ALDH2: variants seen among roughly 807,000 people sequenced by gnomAD.
ALDH2 encodes the protein aldehyde dehydrogenase 2 family member, also known as aldehyde dehydrogenase, mitochondrial.
Under a neutral mutation model 59.6 loss-of-function variants are expected in ALDH2, and 44 were observed. That is an observed-to-expected ratio of 0.74 (90% CI 0.58 to 0.95). The LOEUF (loss-of-function observed/expected upper bound fraction) is 0.95. Ranked by LOEUF, ALDH2 falls within the 40% of genes least tolerant of loss-of-function variation. The pLI is 0.00. For synonymous variants in ALDH2, 291 were observed against 284.0 expected (o/e 1.02, Z -0.25); for missense variants, 570 against 696.3 (o/e 0.82, Z 2.04).
At position 111,811,517 on chromosome 12, in the gene ALDH2, A is replaced by G. The variant is rs919024541; in HGVS notation, c.*1942A>G. 6.8e-6 allele frequency: 1 copy of G among 147,126 alleles called. No homozygotes were observed. Among genetic ancestry groups the G allele is most frequent in the Non-Finnish European group, 1.5e-5 (1 of 67,128 alleles). 9.1% of individuals were successfully genotyped at this position (147,126 alleles called of 1,614,324 possible). On this transcript the variant is annotated 3_prime_UTR_variant, in exon 13 of 13. Transcript: ENST00000261733. ...GAGACTGAGTCTCGGTCTGTCGCCC[A>G]GGCTGGAGTGCAGTGACGTGATCTT...
At position 111,785,335 on chromosome 12, in the gene ALDH2, C is replaced by T. The variant is rs1366445809; in HGVS notation, c.429C>T (p.Leu143=). 1 of 1,613,694 alleles carries T rather than the reference C, an allele frequency of 6.2e-7. No individual in the cohort carries two copies. The highest frequency in any genetic ancestry group is 1.3e-5 in the African/African-American group (1 of 74,982). ...ISYLVDLDMV[L]KCLRYYAGWA... is the part of the protein sequence containing the mutation. ...ACCTGGTGGATTTGGACATGGTCCT[C>T]AAATGTCTCCGGTATGGGCTCAGCT... The change falls in exon 4 of 13, where the codon CTC becomes CTT. Residue 143 remains leucine, a synonymous_variant. Transcript: ENST00000261733.
intron 8 of ALDH2, 62 bp downstream of exon 8, chr12:111,792,225 T>C (rs1054878012): frequency 2.3e-5 from 30 of 1,290,864 alleles, no homozygotes; most frequent in Non-Finnish European, 2.2e-6. Context: ...GTGTTGTGGC[T>C]CCAGCCGATC....
chr12:111,786,826 C>T (rs1168550687), intron 4 of ALDH2, among the ~76,000 whole-genome samples: 2 of 152,106 alleles, frequency 1.3e-5, no homozygotes, highest in Non-Finnish European at 2.9e-5. Flanking sequence ...GGATTACAGG[C>T]ATGAGTTACT....
chr12:111,787,130 C>T (rs2068316460), intron 4 of ALDH2, among the ~76,000 whole-genome samples: 1 of 151,974 alleles, frequency 6.6e-6, no homozygotes, highest in Non-Finnish European at 1.5e-5. Flanking sequence ...CACTTGAACC[C>T]AGGAGGTGGA....
intron 1 of ALDH2, among the ~76,000 whole-genome samples, chr12:111,780,772 C>G (rs545782211): frequency 6.6e-6 from 1 of 152,244 alleles, no homozygotes; most frequent in East Asian, 1.9e-4. Flanking sequence ...GTCCTCAGCC[C>G]TAGAACTGTG....
chr12:111,798,117 A>G lies in ALDH2; in HGVS notation c.1123A>G (p.Asn375Asp). 1 of 1,614,098 alleles carries G rather than the reference A, an allele frequency of 6.2e-7. No homozygotes were observed. Among genetic ancestry groups the G allele is most frequent in the Non-Finnish European group, 8.5e-7 (1 of 1,179,998 alleles). The part of the protein sequence containing the change: ...TQFKKILGYI[N>D]TGKQEGAKLL... ...GTTTAAGAAGATCCTCGGCTACATCAACACGGGGAAGCAAGAGGGGGCGAA... is the reference window on the plus strand; with the variant it reads ...GTTTAAGAAGATCCTCGGCTACATCGACACGGGGAAGCAAGAGGGGGCGAA... The change falls in exon 10 of 13, where the codon AAC becomes GAC. Residue 375 changes from asparagine to aspartate, a missense_variant. Asn to Asp is a conservative substitution (Grantham distance 23). Transcript: ENST00000261733.
chr12:111,772,521 G>A (rs1385450793), intron 1 of ALDH2, among the ~76,000 whole-genome samples: 1 of 151,900 alleles, frequency 6.6e-6, no homozygotes. Context: ...CCGCCACCAT[G>A]CCCAGCTAAT....
At chr12:111,793,186 G>A (rs1349035478) in intron 9 of ALDH2, among the ~76,000 whole-genome samples, 1 of 151,966 alleles carries the variant, frequency 6.6e-6, no homozygotes, top group African/African-American at 2.4e-5. Flanking sequence ...TTCACTTCAT[G>A]TTTTGAGCTG....
chr12:111,804,085 G>A (rs2068474681), intron 12 of ALDH2, 112 bp downstream of exon 12: 1 of 679,966 alleles, frequency 1.5e-6, no homozygotes, highest in Admixed American at 3.0e-5. Context: ...GCCTGCCAGA[G>A]GTTCAGGACC....
rs1232483424 is a variant in ALDH2, at chr12:111,810,738, A to G, written c.*1163A>G. 1.3e-5 allele frequency: 2 copies of G among 150,886 alleles called. No individual in the cohort carries two copies. Among genetic ancestry groups the G allele is most frequent in the East Asian group, 3.9e-4 (2 of 5,066 alleles). 9.3% of individuals were successfully genotyped at this position (150,886 alleles called of 1,614,324 possible). On this transcript the variant is annotated 3_prime_UTR_variant, in exon 13 of 13. Coordinates refer to ENST00000261733, the MANE Select transcript of ALDH2 (RefSeq NM_000690.4). ...TCCTCCTGCTTCAGCTTCCTGGGCTAATGTTTGTATTTTTTGTGGAGATGG... is the reference window on the plus strand; with the variant it reads ...TCCTCCTGCTTCAGCTTCCTGGGCTGATGTTTGTATTTTTTGTGGAGATGG...
At chr12:111,775,858 C>T (rs1340940291) in intron 1 of ALDH2, 1 of 251,308 alleles carries the variant, frequency 4.0e-6, no homozygotes, top group Non-Finnish European at 8.1e-6. Flanking sequence ...CAGTTCCTAC[C>T]CAGCCCCCCA....
At chr12:111,782,685 C>T (rs917311872) in intron 2 of ALDH2, among the ~76,000 whole-genome samples, 2 of 152,162 alleles carry the variant, frequency 1.3e-5, no homozygotes, top group African/African-American at 4.8e-5. Context: ...GAGTTTGAGA[C>T]CAGCCTGACC....
chr12:111,807,283 C>T (rs1439478686), intron 12 of ALDH2, among the ~76,000 whole-genome samples: 6 of 149,922 alleles, frequency 4.0e-5, no homozygotes, highest in Non-Finnish European at 7.4e-5. Flanking sequence ...CAAAACAAAA[C>T]GGAAAAAAAA....
At position 111,786,238 on chromosome 12, in the gene ALDH2, T is replaced by TG. The variant is rs534925026; in HGVS notation, c.440+892_440+893insG. On this transcript the variant is annotated intron_variant, in intron 4 of 12. Coordinates refer to ENST00000261733, the MANE Select transcript of ALDH2 (RefSeq NM_000690.4). ...ATGTTTGATTGATTGATTGATTGAT[T>TG]ATTATTATTATTTTTTGAGATGGAG... Among the ~76,000 whole-genome samples, 17 of 152,240 alleles carry TG rather than the reference T, an allele frequency of 1.1e-4. No homozygotes were observed. In the South Asian group the frequency reaches 2.9e-3, roughly 26 times the overall value.
chr12:111,805,169 T>A (rs1261954890), intron 12 of ALDH2, among the ~76,000 whole-genome samples: 1 of 152,184 alleles, frequency 6.6e-6, no homozygotes, highest in Non-Finnish European at 1.5e-5. Flanking sequence ...AGCCCAATTT[T>A]TGGAATTTAT....
chr12:111,770,355 T>C (rs1013463052), intron 1 of ALDH2, among the ~76,000 whole-genome samples: 11 of 152,192 alleles, frequency 7.2e-5, no homozygotes, highest in African/African-American at 2.2e-4. Context: ...TTGATATGGA[T>C]GCTGTTGTAT....
At chr12:111,800,293 C>T (rs896373176) in intron 11 of ALDH2, among the ~76,000 whole-genome samples, 1 of 152,236 alleles carries the variant, frequency 6.6e-6, no homozygotes, top group African/African-American at 2.4e-5. Flanking sequence ...AGTGGTGGGG[C>T]TCCTCCCCAG....
rs1414605046 is a variant in ALDH2 at position 111,783,176 on chromosome 12, G to T, written c.238G>T (p.Val80Leu). Residue 80 changes from valine to leucine, a missense_variant, in exon 3 of 13, where the codon GTG (valine) becomes TTG (leucine). Coordinates refer to ENST00000261733, the MANE Select transcript of ALDH2 (RefSeq NM_000690.4). ...TTTCTAGGAAGATGTGGACAAGGCA[G>T]TGAAGGCCGCCCGGGCCGCCTTCCA... ...EGDKEDVDKA[V>L]KAARAAFQLG... 1 of 1,612,186 alleles carries T rather than the reference G, an allele frequency of 6.2e-7. No individual in the cohort carries two copies. The highest frequency in any genetic ancestry group is 1.3e-5 in the African/African-American group (1 of 74,918).
At position 111,791,957 on chromosome 12, in the gene ALDH2, C is replaced by T. The variant is rs2068363159; in HGVS notation, c.796-104C>T. ...GAAATTCTCTAGGTCTCTCGTGGTCCAGTTGCTCACTCAAGCTGTGGGGGA... is the reference window on the plus strand; with the variant it reads ...GAAATTCTCTAGGTCTCTCGTGGTCTAGTTGCTCACTCAAGCTGTGGGGGA... On this transcript the variant is annotated intron_variant, in intron 7 of 12. Coordinates refer to ENST00000261733, the MANE Select transcript of ALDH2 (RefSeq NM_000690.4). The T allele has an allele frequency of 4.0e-6, 3 of 746,030 alleles. No homozygotes were observed. In the African/African-American group the frequency reaches 5.3e-5, roughly 13 times the overall value. The allele number at this position is 746,030 out of a possible 1,614,324, so 46.2% of individuals were successfully genotyped here. A position where few individuals can be genotyped will look rare whatever the true frequency, so the allele number is the denominator to read the frequency against.
Sources: allele counts gnomAD v4.1 joint callset (sites outside exome capture counted in the v4.1 genomes callset), GRCh38; gene constraint gnomAD v4.1.1; transcripts MANE v1.5; gene names NCBI Gene and HGNC (gene_info 2026-07-23, HGNC 2026-07-21).